TMEM196: variants seen among roughly 807,000 people sequenced by gnomAD.
The protein encoded by TMEM196 is transmembrane protein 196.
A neutral mutation model predicts 20.0 loss-of-function variants in TMEM196; 17 were observed. The observed-to-expected ratio is 0.85, with a 90% CI of 0.58 to 1.27. The LOEUF is 1.27. TMEM196 is among the 50% of genes most tolerant of loss of function. The pLI, the probability that TMEM196 is intolerant of heterozygous loss-of-function variation, is 0.00. For synonymous variants in TMEM196, 113 were observed against 88.9 expected, an observed-to-expected ratio of 1.27 and a Z score of -1.52; for missense variants, 267 against 223.0, an observed-to-expected ratio of 1.20 and a Z score of -1.26.
chr7:19,732,589 A>C (rs10231337), intron 1 of TMEM196, among the ~76,000 whole-genome samples: 4,813 of 125,542 alleles, frequency 0.038, 94 homozygotes, highest in Middle Eastern at 0.083. Flanking sequence ...AAAAAACAAA[A>C]AAAAAAAAAA....
Position 19,739,313 on chromosome 7 carries a change from G to A in TMEM196, c.148-9875C>T, listed in dbSNP as rs149539735. Among the ~76,000 whole-genome samples, 228 of 152,122 alleles carry A rather than the reference G, an allele frequency of 1.5e-3. 1 individual carries two copies. Among genetic ancestry groups the A allele is most frequent in the Non-Finnish European group, 1.5e-3 (105 of 67,978 alleles). On this transcript the variant is annotated intron_variant, in intron 1 of 4. Coordinates refer to ENST00000405844, the MANE Select transcript of TMEM196 (RefSeq NM_001363562.2). ...AGCAGTAATATTCATATATGCCAGT[G>A]ATAAAATTCCTAAAAATAAATTGTG...
intron 1 of TMEM196, among the ~76,000 whole-genome samples, chr7:19,752,815 A>C (rs537964841): frequency 6.6e-6 from 1 of 152,046 alleles, no homozygotes; most frequent in Non-Finnish European, 1.5e-5. Flanking sequence ...GGGTTTCACC[A>C]TGTTGGTCAG....
chr7:19,721,783 A>G lies in TMEM196; in HGVS notation c.*345T>C, dbSNP rs1783821787. On this transcript the variant is annotated 3_prime_UTR_variant, in exon 5 of 5. Coordinates refer to ENST00000405844, the MANE Select transcript of TMEM196 (RefSeq NM_001363562.2). Reference sequence around the variant, plus strand: ...ATCATGCTAGTCAAATAGTGTTTGTATAGAATATGCATTTTATTTCTGTTT... The same window carrying G: ...ATCATGCTAGTCAAATAGTGTTTGTGTAGAATATGCATTTTATTTCTGTTT... 1 of 287,864 alleles carries G rather than the reference A, an allele frequency of 3.5e-6. No homozygotes were observed. Among genetic ancestry groups the G allele is most frequent in the Non-Finnish European group, 6.4e-6 (1 of 156,122 alleles). 17.8% of individuals were successfully genotyped at this position (287,864 alleles called of 1,614,324 possible). A position where few individuals can be genotyped will look rare whatever the true frequency, so the allele number is the denominator to read the frequency against.
rs10259965 is a variant in TMEM196 at position 19,752,869 on chromosome 7, T to C, written c.147+19681A>G. On this transcript the variant is annotated intron_variant, in intron 1 of 4. Coordinates refer to ENST00000405844, the MANE Select transcript of TMEM196 (RefSeq NM_001363562.2). ...ACCTCGTGATCCACCTGCCTCAGCC[T>C]CCCAAAGTGCTGGGATTACAAGCAT... is the stretch of plus-strand genomic sequence containing the variant. 9.2e-3 allele frequency among the ~76,000 whole-genome samples: 1,395 copies of C among 152,188 alleles called. 25 individuals carry two copies. The highest frequency in any genetic ancestry group is 0.032 in the African/African-American group (1,328 of 41,522).
intron 1 of TMEM196, among the ~76,000 whole-genome samples, chr7:19,767,306 A>G (rs964952202): frequency 2.6e-5 from 4 of 152,082 alleles, no homozygotes; most frequent in Non-Finnish European, 5.9e-5. Flanking sequence ...CTGAATAATA[A>G]CTATATTTCC....
At chr7:19,761,632 A>G (rs1785439751) in intron 1 of TMEM196, among the ~76,000 whole-genome samples, 1 of 152,238 alleles carries the variant, frequency 6.6e-6, no homozygotes, top group Non-Finnish European at 1.5e-5. Flanking sequence ...GAAGCACTCA[A>G]GAGAGAGATG....
At chr7:19,765,720 G>A (rs956430179) in intron 1 of TMEM196, among the ~76,000 whole-genome samples, 4 of 152,130 alleles carry the variant, frequency 2.6e-5, no homozygotes, top group East Asian at 3.8e-4. Context: ...AAAAACAAAA[G>A]AAGAGGTGTT....
rs549360636 is a variant in TMEM196, at chr7:19,753,105, A to G, written c.147+19445T>C. Among the ~76,000 whole-genome samples the G allele has an allele frequency of 4.9e-4, 74 of 152,186 alleles. 1 individual carries two copies. Among genetic ancestry groups the G allele is most frequent in the South Asian group, 6.2e-4 (3 of 4,822 alleles). On this transcript the variant is annotated intron_variant, in intron 1 of 4. Coordinates refer to ENST00000405844, the MANE Select transcript of TMEM196 (RefSeq NM_001363562.2). ...TCTACTTCTCTTCTTGGACAGTTTT[A>G]TTCTTATTCTTACTATTCTCCAGGG...
At chr7:19,737,598 A>G (rs1221094689) in intron 1 of TMEM196, among the ~76,000 whole-genome samples, 2 of 151,998 alleles carry the variant, frequency 1.3e-5, no homozygotes, top group African/African-American at 4.8e-5. Context: ...TGAGATACCA[A>G]GACACTCAAA....
chr7:19,766,367 A>G (rs928424670), intron 1 of TMEM196, among the ~76,000 whole-genome samples: 1 of 152,006 alleles, frequency 6.6e-6, no homozygotes, highest in African/African-American at 2.4e-5. Context: ...GGCATTGTCC[A>G]TTTCGCATGT....
At chr7:19,724,977 C>G (rs371313732) in intron 3 of TMEM196, among the ~76,000 whole-genome samples, 5 of 152,136 alleles carry the variant, frequency 3.3e-5, no homozygotes, top group African/African-American at 1.2e-4. Context: ...AAAATACAGG[C>G]AAAGCTCTCC....
At chr7:19,768,344 C>T (rs17141961) in intron 1 of TMEM196, among the ~76,000 whole-genome samples, 4,889 of 152,108 alleles carry the variant, frequency 0.032, 276 homozygotes, top group African/African-American at 0.11. Flanking sequence ...TAAAATACAA[C>T]TTAGCATCAT....
At chr7:19,726,371 A>C (rs913994326) in intron 2 of TMEM196, among the ~76,000 whole-genome samples, 1 of 152,194 alleles carries the variant, frequency 6.6e-6, no homozygotes, top group East Asian at 1.9e-4. Context: ...GAGCTTAGGA[A>C]ATTTAGTTAA....
chr7:19,734,832 A>G (rs374795151), intron 1 of TMEM196, among the ~76,000 whole-genome samples: 369 of 152,352 alleles, frequency 2.4e-3, no homozygotes, highest in African/African-American at 8.4e-3. Context: ...GCAACAGGAA[A>G]CTAATACAGG....
chr7:19,728,098 AAGAC>A (rs1481367937), intron 2 of TMEM196, among the ~76,000 whole-genome samples: 2 of 152,188 alleles, frequency 1.3e-5, no homozygotes, highest in East Asian at 1.9e-4. Context: ...TTATAAGAGA[AAGAC>A]AGAGAAGTGC....
chr7:19,740,829 A>T (rs1158214272), intron 1 of TMEM196, among the ~76,000 whole-genome samples: 3 of 152,162 alleles, frequency 2.0e-5, no homozygotes, highest in African/African-American at 7.2e-5. Flanking sequence ...AAAGTTCCAT[A>T]GAGTAGTTTA....
intron 1 of TMEM196, among the ~76,000 whole-genome samples, chr7:19,731,721 A>G (rs1784210523): frequency 6.6e-6 from 1 of 152,222 alleles, no homozygotes; most frequent in Non-Finnish European, 1.5e-5. Context: ...TTTGGTTAGA[A>G]CATCTAGGTG....
At position 19,728,311 on chromosome 7, in the gene TMEM196, G is replaced by T. The variant is rs369779426; in HGVS notation, c.204+1071C>A. Among the ~76,000 whole-genome samples, 13 of 152,092 alleles carry T rather than the reference G, an allele frequency of 8.5e-5. No homozygotes were observed. In the South Asian group the frequency reaches 2.7e-3, roughly 32 times the overall value. ...TCATAAAGAGTCTTCGTAGAGGAAG[G>T]GCATAAGGAGAATGAAGACCATGTG... On this transcript the variant is annotated intron_variant, in intron 2 of 4. Coordinates refer to ENST00000405844, the MANE Select transcript of TMEM196 (RefSeq NM_001363562.2).
At chr7:19,749,655 G>A (rs544078424) in intron 1 of TMEM196, among the ~76,000 whole-genome samples, 45 of 152,198 alleles carry the variant, frequency 3.0e-4, no homozygotes, top group African/African-American at 1.0e-3. Flanking sequence ...TCAATGCAAG[G>A]AGAGAACAAG....
Sources: gnomAD v4.1 joint callset for allele counts (sites outside exome capture counted in the v4.1 genomes callset) on GRCh38, gnomAD v4.1.1 for gene constraint, MANE v1.5 for transcripts, NCBI Gene and HGNC (gene_info 2026-07-23, HGNC 2026-07-21) for gene names.